Variants in SLC31A1 observed in about 807,000 individuals in gnomAD.
The protein encoded by SLC31A1 is solute carrier family 31 member 1, also known as high affinity copper uptake protein 1.
In SLC31A1, 5 loss-of-function variants were observed where a neutral mutation model predicts 17.2. That is an observed-to-expected ratio of 0.29 (90% confidence interval 0.15 to 0.61). The LOEUF (loss-of-function observed/expected upper bound fraction) is 0.61. Among genes scored for constraint, SLC31A1 ranks in the 20% least tolerant of loss-of-function variants. The pLI is 0.86. For synonymous variants in SLC31A1, 76 were observed against 78.8 expected, an observed-to-expected ratio of 0.96 and a Z score of 0.19; for missense variants, 161 against 241.4, an observed-to-expected ratio of 0.67 and a Z score of 2.21.
At chr9:113,227,364 C>T (rs1393298702) in intron 1 of SLC31A1, 1 of 152,118 alleles carries the variant, frequency 6.6e-6, no homozygotes. Context: ...GCAATCTTCC[C>T]ATCTCAGCCT....
intron 1 of SLC31A1, among the ~76,000 whole-genome samples, chr9:113,240,892 A>G (rs1831514161): frequency 1.3e-5 from 2 of 152,028 alleles, no homozygotes; most frequent in South Asian, 2.1e-4. Context: ...TCTACTAAAA[A>G]TACAAAAATT....
chr9:113,242,188 C>CAA (rs891607971), intron 1 of SLC31A1, among the ~76,000 whole-genome samples: 2 of 136,540 alleles, frequency 1.5e-5, no homozygotes, highest in Non-Finnish European at 1.6e-5. Flanking sequence ...GACTCCGTCT[C>CAA]AAAAAAAAAA....
rs1831830157 is a variant in SLC31A1 at position 113,264,266 on chromosome 9, A to T, written c.*3793A>T. 6.6e-6 allele frequency: 1 copy of T among 152,034 alleles called. No individual in the cohort carries two copies. The highest frequency in any genetic ancestry group is 2.4e-5 in the African/African-American group (1 of 41,254). 9.4% of individuals were successfully genotyped at this position (152,034 alleles called of 1,614,324 possible). The stretch of plus-strand genomic sequence containing the variant: ...GAGGCGGAGGTTGCAGTGAGCCAAG[A>T]TGGCGCCATTGCACTCCAGCCTGGG... On this transcript the variant is annotated 3_prime_UTR_variant, in exon 5 of 5. Coordinates refer to ENST00000374212, the MANE Select transcript of SLC31A1 (RefSeq NM_001859.4).
chr9:113,224,989 G>T (rs1178805145), intron 1 of SLC31A1, among the ~76,000 whole-genome samples: 1 of 152,180 alleles, frequency 6.6e-6, no homozygotes, highest in Non-Finnish European at 1.5e-5. Flanking sequence ...ACAGTGCCTG[G>T]CAGGTAGTAA....
At chr9:113,230,214 G>T (rs1479139954) in intron 1 of SLC31A1, among the ~76,000 whole-genome samples, 1 of 152,126 alleles carries the variant, frequency 6.6e-6, no homozygotes, top group Non-Finnish European at 1.5e-5. Context: ...AATCTTTTGG[G>T]GATTTGTTTG....
At chr9:113,242,637 T>G (rs150399901) in intron 1 of SLC31A1, among the ~76,000 whole-genome samples, 3 of 152,288 alleles carry the variant, frequency 2.0e-5, no homozygotes, top group Non-Finnish European at 4.4e-5. Flanking sequence ...ACTCCTGGGC[T>G]CATGTAATCC....
intron 1 of SLC31A1, among the ~76,000 whole-genome samples, chr9:113,250,051 G>A (rs1385306140): frequency 2.0e-5 from 3 of 151,484 alleles, no homozygotes; most frequent in African/African-American, 7.3e-5. Context: ...AGGATGTGGA[G>A]AAATAGGAAC....
chr9:113,238,599 T>C (rs1831489183), intron 1 of SLC31A1, among the ~76,000 whole-genome samples: 1 of 152,136 alleles, frequency 6.6e-6, no homozygotes, highest in African/African-American at 2.4e-5. Flanking sequence ...CTGTTTCTAC[T>C]AAAAATACAA....
In SLC31A1 at chr9:113,257,164, T is replaced by C. The variant is rs552490133; in HGVS notation, c.181T>C (p.Leu61=). 1.9e-4 allele frequency: 299 copies of C among 1,613,922 alleles called. 4 individuals are homozygous for C. The South Asian group carries it at 2.8e-3, about 15-fold the overall frequency. Residue 61 remains leucine (L), a synonymous_variant, in exon 3 of 5, where the codon TTG becomes CTG. Transcript: ENST00000374212. ...GAATGTGGAACTACTGTTTTCCGGT[T>C]TGGTGATCAATACAGCTGGAGGTGA... ...FKNVELLFSG[L]VINTAGEMAG...
intron 1 of SLC31A1, among the ~76,000 whole-genome samples, chr9:113,230,287 G>C (rs1196107705): frequency 6.6e-6 from 1 of 152,132 alleles, no homozygotes; most frequent in East Asian, 1.9e-4. Flanking sequence ...GCGGTGGCGC[G>C]ATCTCAGCTC....
intron 1 of SLC31A1, among the ~76,000 whole-genome samples, chr9:113,229,336 G>A (rs948403296): frequency 6.6e-6 from 1 of 152,122 alleles, no homozygotes; most frequent in Non-Finnish European, 1.5e-5. Flanking sequence ...CTCCCCTGCA[G>A]ATAGTATAGG....
At chr9:113,234,099 T>C (rs965790547) in intron 1 of SLC31A1, among the ~76,000 whole-genome samples, 3 of 152,160 alleles carry the variant, frequency 2.0e-5, no homozygotes, top group African/African-American at 7.2e-5. Flanking sequence ...TATACACCCT[T>C]CCCAGCCTCT....
At chr9:113,249,038 C>A (rs559838590) in intron 1 of SLC31A1, among the ~76,000 whole-genome samples, 1 of 152,228 alleles carries the variant, frequency 6.6e-6, no homozygotes, top group African/African-American at 2.4e-5. Flanking sequence ...TCCCAAGAAT[C>A]CTCCAAGTTG....
chr9:113,222,933 C>A (rs1285021079), intron 1 of SLC31A1, among the ~76,000 whole-genome samples: 1 of 152,168 alleles, frequency 6.6e-6, no homozygotes, highest in Admixed American at 6.5e-5. Flanking sequence ...ACAGAAAGAG[C>A]TTGCTAGCCC....
chr9:113,256,497 G>T, intron 2 of SLC31A1: 8 of 450,520 alleles, frequency 1.8e-5, no homozygotes, highest in Admixed American at 3.6e-5. Flanking sequence ...TTTCTTTGGT[G>T]GTCCCTTCTG....
intron 1 of SLC31A1, among the ~76,000 whole-genome samples, chr9:113,234,444 T>C (rs914657185): frequency 6.7e-6 from 1 of 149,240 alleles, no homozygotes; most frequent in African/African-American, 2.5e-5. Context: ...CCCAAAGTGC[T>C]GGGATTACAG....
At chr9:113,244,110 A>C (rs1025738608) in intron 1 of SLC31A1, among the ~76,000 whole-genome samples, 4 of 146,914 alleles carry the variant, frequency 2.7e-5, no homozygotes, top group Admixed American at 2.1e-4. Flanking sequence ...AGCCGAGATC[A>C]TACCACTGTA....
rs1232706967 is a variant in SLC31A1, at chr9:113,263,241, T to G, written c.*2768T>G. ...GAAAGAAATAACAGTTTAGATTAGG[T>G]CTTCAGGTATTCAGGATAGAGATAA... On this transcript the variant is annotated 3_prime_UTR_variant, in exon 5 of 5. Transcript: ENST00000374212. 2 of 152,218 alleles carry G rather than the reference T, an allele frequency of 1.3e-5. No homozygotes were observed. The highest frequency in any genetic ancestry group is 2.9e-5 in the Non-Finnish European group (2 of 68,048). 9.4% of individuals were successfully genotyped at this position (152,218 alleles called of 1,614,324 possible).
chr9:113,250,876 T>C (rs756246112), intron 1 of SLC31A1, among the ~76,000 whole-genome samples: 1 of 152,060 alleles, frequency 6.6e-6, no homozygotes, highest in Non-Finnish European at 1.5e-5. Flanking sequence ...AGTGAGTTAT[T>C]GCTCTCATAG....
Sources: allele counts gnomAD v4.1 joint callset (sites outside exome capture counted in the v4.1 genomes callset), GRCh38; gene constraint gnomAD v4.1.1; transcripts MANE v1.5; gene names NCBI Gene and HGNC (gene_info 2026-07-23, HGNC 2026-07-21).